The following TSHZ3 variants were observed in gnomAD, a reference collection of about 807,000 sequenced individuals.
TSHZ3 encodes teashirt homolog 3.
In TSHZ3, 10 loss-of-function variants were observed where a neutral mutation model predicts 64.5. That is an observed-to-expected ratio of 0.16 (90% CI 0.10 to 0.26). The LOEUF (loss-of-function observed/expected upper bound fraction) is 0.26. Among genes scored for constraint, TSHZ3 ranks in the 10% least tolerant of loss-of-function variants. The pLI is 1.00. For synonymous variants in TSHZ3, 608 were observed against 593.1 expected (o/e 1.03, Z -0.36); for missense variants, 1,242 against 1,421.7 (o/e 0.87, Z 2.03).
At chr19:31,268,695 C>A (rs1976091316) in intron 1 of TSHZ3, among the ~76,000 whole-genome samples, 1 of 152,156 alleles carries the variant, frequency 6.6e-6, no homozygotes. Flanking sequence ...AGAAGAATAT[C>A]AGGACATGAC....
intron 5 of TSHZ3, among the ~76,000 whole-genome samples, chr19:31,194,428 C>CAGA (rs1974956178): frequency 6.6e-6 from 1 of 152,188 alleles, no homozygotes; most frequent in Non-Finnish European, 1.5e-5. Context: ...GAACTTATCT[C>CAGA]ACCTGGAAGA....
chr19:31,288,526 G>A (rs139374600), intron 1 of TSHZ3, among the ~76,000 whole-genome samples: 24 of 152,218 alleles, frequency 1.6e-4, no homozygotes, highest in African/African-American at 4.8e-4. Flanking sequence ...GTGGAGAGCC[G>A]TCCAAGAGGG....
chr19:31,315,043 A>T (rs960977737), intron 1 of TSHZ3, among the ~76,000 whole-genome samples: 1 of 152,224 alleles, frequency 6.6e-6, no homozygotes, highest in Non-Finnish European at 1.5e-5. Flanking sequence ...GGGTTGCTGC[A>T]CTGGACACTT....
intron 1 of TSHZ3, among the ~76,000 whole-genome samples, chr19:31,281,937 C>T (rs1031352895): frequency 5.9e-5 from 9 of 152,182 alleles, no homozygotes; most frequent in Non-Finnish European, 1.2e-4. Context: ...GAATGTCTTG[C>T]ATCCTGGGAA....
chr19:31,178,956 G>A (rs1974655888), intron 5 of TSHZ3, among the ~76,000 whole-genome samples: 2 of 152,072 alleles, frequency 1.3e-5, no homozygotes, highest in African/African-American at 2.4e-5. Flanking sequence ...AGATGGTGGT[G>A]GAAATCAGGA....
intron 5 of TSHZ3, among the ~76,000 whole-genome samples, chr19:31,160,798 TCA>T: frequency 6.6e-6 from 1 of 151,762 alleles, no homozygotes; most frequent in African/African-American, 2.4e-5. Flanking sequence ...TCACACACAT[TCA>T]CACACACATG....
chr19:31,200,136 A>AT (rs1975058008), intron 5 of TSHZ3, among the ~76,000 whole-genome samples: 1 of 152,156 alleles, frequency 6.6e-6, no homozygotes, highest in Non-Finnish European at 1.5e-5. Context: ...AAAATGAAAC[A>AT]GCCAATTTGG....
At chr19:31,173,351 C>A (rs571241247) in intron 5 of TSHZ3, among the ~76,000 whole-genome samples, 1 of 152,184 alleles carries the variant, frequency 6.6e-6, no homozygotes, top group African/African-American at 2.4e-5. Flanking sequence ...TCCCTGACTA[C>A]CTTGTTTGTT....
intron 5 of TSHZ3, among the ~76,000 whole-genome samples, chr19:31,168,756 A>T (rs760941443): frequency 8.5e-5 from 13 of 152,154 alleles, no homozygotes; most frequent in African/African-American, 1.2e-4. Context: ...TACCTTGGCC[A>T]TGTGGAATGC....
chr19:31,164,744 G>A (rs1339359313), intron 5 of TSHZ3, among the ~76,000 whole-genome samples: 2 of 152,144 alleles, frequency 1.3e-5, no homozygotes, highest in Non-Finnish European at 2.9e-5. Flanking sequence ...AGCTCTCCCC[G>A]GGGTGAGGTG....
chr19:31,222,607 T>C (rs1975406174), intron 4 of TSHZ3, among the ~76,000 whole-genome samples: 1 of 152,206 alleles, frequency 6.6e-6, no homozygotes, highest in Admixed American at 6.5e-5. Context: ...TAAATGTTTC[T>C]CCCTCTGGAC....
intron 1 of TSHZ3, among the ~76,000 whole-genome samples, chr19:31,347,727 C>T (rs750366794): frequency 1.3e-5 from 2 of 152,160 alleles, no homozygotes; most frequent in African/African-American, 2.4e-5. Context: ...GCATCCTAAG[C>T]CCCAAACCAA....
At chr19:31,283,347 T>C (rs1343328489) in intron 1 of TSHZ3, among the ~76,000 whole-genome samples, 1 of 151,972 alleles carries the variant, frequency 6.6e-6, no homozygotes, top group African/African-American at 2.4e-5. Context: ...AATAAATACA[T>C]AAAAATAAAG....
At chr19:31,216,412 A>G (rs1975330174) in intron 4 of TSHZ3, among the ~76,000 whole-genome samples, 2 of 151,640 alleles carry the variant, frequency 1.3e-5, no homozygotes, top group Middle Eastern at 3.4e-3. Flanking sequence ...CAGAGGGATG[A>G]GAGTCACCTG....
chr19:31,164,403 A>G (rs1423580214), intron 5 of TSHZ3, among the ~76,000 whole-genome samples: 3 of 152,090 alleles, frequency 2.0e-5, no homozygotes, highest in African/African-American at 7.2e-5. Context: ...AGAAAGAAAC[A>G]CTAATATTTC....
At chr19:31,234,259 GT>G (rs879538565) in intron 3 of TSHZ3, among the ~76,000 whole-genome samples, 3 of 151,962 alleles carry the variant, frequency 2.0e-5, no homozygotes, top group Non-Finnish European at 4.4e-5. Context: ...AGCTCTAGTA[GT>G]TTTTTTCATA....
intron 3 of TSHZ3, among the ~76,000 whole-genome samples, chr19:31,235,166 A>G (rs1409360820): frequency 6.6e-6 from 1 of 152,152 alleles, no homozygotes; most frequent in Admixed American, 6.6e-5. Flanking sequence ...CATACCCTTC[A>G]CCTCGCACAA....
At chr19:31,307,553 C>T (rs1407023755) in intron 1 of TSHZ3, among the ~76,000 whole-genome samples, 1 of 152,212 alleles carries the variant, frequency 6.6e-6, no homozygotes, top group East Asian at 1.9e-4. Context: ...TGATGAATGG[C>T]AAAGCCAAGG....
At chr19:31,216,597 T>G (rs1268813945) in intron 4 of TSHZ3, among the ~76,000 whole-genome samples, 1 of 150,972 alleles carries the variant, frequency 6.6e-6, no homozygotes, top group Non-Finnish European at 1.5e-5. Flanking sequence ...TACAGGTATG[T>G]GCTACCACAC....
Sources: allele counts gnomAD v4.1 joint callset (sites outside exome capture counted in the v4.1 genomes callset), GRCh38; gene constraint gnomAD v4.1.1; transcripts MANE v1.5; gene names NCBI Gene and HGNC (gene_info 2026-07-23, HGNC 2026-07-21).